The following MORC1 variants were observed in gnomAD, a reference collection of about 807,000 sequenced individuals.
The protein encoded by MORC1 is MORC family CW-type zinc finger protein 1.
A neutral mutation model predicts 134.9 loss-of-function variants in MORC1; 59 were observed. The observed-to-expected ratio is 0.44, with a 90% confidence interval of 0.35 to 0.54. The LOEUF is 0.54. MORC1 is among the 20% of genes least tolerant of loss of function. The probability of loss-of-function intolerance (pLI) is 0.00; values close to 1 mark genes in which losing one functional copy is unlikely to be tolerated. For synonymous variants in MORC1, 395 were observed against 391.7 expected, an observed-to-expected ratio of 1.01 and a Z score of -0.10; for missense variants, 947 against 1,134.5, an observed-to-expected ratio of 0.83 and a Z score of 2.37.
At chr3:109,063,430 G>GT (rs945971738) in intron 9 of MORC1, among the ~76,000 whole-genome samples, 199 bp from the exon 10 acceptor site, 6 of 151,980 alleles carry the variant, frequency 3.9e-5, no homozygotes, top group Non-Finnish European at 7.4e-5. Flanking sequence ...TAGAAATGTT[G>GT]TTTTTTTAAG....
chr3:109,114,162 A>G (rs1206276559), intron 2 of MORC1, among the ~76,000 whole-genome samples: 1 of 152,260 alleles, frequency 6.6e-6, no homozygotes, highest in Admixed American at 6.5e-5. Flanking sequence ...ATTAACATAA[A>G]AACAGACTTC....
chr3:109,100,644 T>G, intron 4 of MORC1, 137 bp from the exon 5 acceptor site: 1 of 671,052 alleles, frequency 1.5e-6, no homozygotes, highest in Non-Finnish European at 2.6e-6. Context: ...GACAAGGATT[T>G]TCATCAGAAT....
chr3:109,098,602 T>C (rs923588272), intron 6 of MORC1, among the ~76,000 whole-genome samples: 1 of 152,340 alleles, frequency 6.6e-6, no homozygotes, highest in East Asian at 1.9e-4. Context: ...AAAACCCTCA[T>C]TGGGCACTCG....
chr3:108,996,276 G>GACACACA (rs1553745289), intron 21 of MORC1, among the ~76,000 whole-genome samples: 13 of 76,902 alleles, frequency 1.7e-4, no homozygotes, highest in South Asian at 3.7e-4. Flanking sequence ...GCGCGTGCGT[G>GACACACA]CGCGCGCGCG....
chr3:109,111,993 T>G (rs973199672), intron 2 of MORC1, among the ~76,000 whole-genome samples: 2 of 152,206 alleles, frequency 1.3e-5, no homozygotes, highest in Non-Finnish European at 2.9e-5. Context: ...TCTCTTCCGA[T>G]CCTTACCATA....
chr3:109,097,054 G>C (rs1365718919), intron 6 of MORC1, among the ~76,000 whole-genome samples: 1 of 152,104 alleles, frequency 6.6e-6, no homozygotes, highest in African/African-American at 2.4e-5. Flanking sequence ...AAGAATATGA[G>C]TTTCCAAATC....
chr3:108,963,049 A>G (rs1947123627), intron 27 of MORC1, among the ~76,000 whole-genome samples: 1 of 152,110 alleles, frequency 6.6e-6, no homozygotes, highest in Admixed American at 6.6e-5. Context: ...ACTAAGATAC[A>G]AAAGAATGTG....
chr3:109,069,868 A>G lies in MORC1; in HGVS notation c.690-111T>C, dbSNP rs1173017979. On this transcript the variant is annotated intron_variant, in intron 8 of 27. Transcript: ENST00000232603. ...TATTATTGTTACTACAAGAAGCTTCAAGAACTTTTCTTCTAAAACTAATGA... is the reference window on the plus strand; with the variant it reads ...TATTATTGTTACTACAAGAAGCTTCGAGAACTTTTCTTCTAAAACTAATGA... 6 of 1,208,172 alleles carry G rather than the reference A, an allele frequency of 5.0e-6. No individual in the cohort carries two copies. In the Admixed American group the frequency reaches 1.7e-4, roughly 34 times the overall value. The allele number at this position is 1,208,172 out of a possible 1,614,324, so 74.8% of individuals were successfully genotyped here. A position where few individuals can be genotyped will look rare whatever the true frequency, so the allele number is the denominator to read the frequency against.
At chr3:109,014,487 C>A (rs1250646573) in intron 17 of MORC1, among the ~76,000 whole-genome samples, 1 of 152,188 alleles carries the variant, frequency 6.6e-6, no homozygotes, top group African/African-American at 2.4e-5. Context: ...CTTGTGGGAG[C>A]TTATTACACC....
At chr3:109,021,668 T>C (rs148729545) in intron 17 of MORC1, among the ~76,000 whole-genome samples, 48 of 152,354 alleles carry the variant, frequency 3.2e-4, no homozygotes, top group African/African-American at 1.2e-3. Context: ...CACCATGCTA[T>C]GCCACAATGC....
rs141780570 is a variant in MORC1, at chr3:109,061,559, G to A, written c.966+429C>T. On this transcript the variant is annotated intron_variant, in intron 11 of 27. Coordinates refer to ENST00000232603, the MANE Select transcript of MORC1 (RefSeq NM_014429.4). ...CTAGCACTAGAAAGAAGGATTGCTT[G>A]TTAGACCTTTCCTTCCTTTCCCCAT... is the stretch of plus-strand genomic sequence containing the variant. 5.1e-3 allele frequency among the ~76,000 whole-genome samples: 780 copies of A among 152,270 alleles called. 18 individuals are homozygous for A. The highest frequency in any genetic ancestry group is 0.018 in the African/African-American group (749 of 41,542).
intron 17 of MORC1, among the ~76,000 whole-genome samples, chr3:109,017,270 G>T (rs1007693884): frequency 6.6e-6 from 1 of 152,164 alleles, no homozygotes; most frequent in African/African-American, 2.4e-5. Context: ...TAATCTAATG[G>T]AATTGAAGTG....
intron 14 of MORC1, among the ~76,000 whole-genome samples, chr3:109,048,751 T>C (rs1325127603): frequency 6.6e-6 from 1 of 152,182 alleles, no homozygotes; most frequent in East Asian, 1.9e-4. Context: ...TGTGTGCACC[T>C]ATCCCTGGTA....
intron 3 of MORC1, among the ~76,000 whole-genome samples, chr3:109,105,678 CAAA>C (rs5851645): frequency 3.0e-4 from 39 of 131,360 alleles, no homozygotes; most frequent in South Asian, 1.4e-3. Context: ...GACCCTGTCT[CAAA>C]AAAAAAAAAA....
rs1390570728 is a variant in MORC1, at chr3:108,971,321, C to A, written c.2550+9G>T. The stretch of plus-strand genomic sequence containing the variant: ...CATTCCCTCACAGTTCCAAAAAAAA[C>A]CAGCTTACCTCACAACTTAATGCAG... On this transcript the variant is annotated intron_variant, in intron 25 of 27. Coordinates refer to ENST00000232603, the MANE Select transcript of MORC1 (RefSeq NM_014429.4). The A allele has an allele frequency of 1.9e-6, 3 of 1,611,450 alleles. No homozygotes were observed. The highest frequency in any genetic ancestry group is 1.3e-5 in the African/African-American group (1 of 74,900).
rs1949269277 is a variant in MORC1, at chr3:109,032,769, A to T, written c.1516T>A (p.Phe506Ile). The T allele has an allele frequency of 6.2e-7, 1 of 1,609,586 alleles. No homozygotes were observed. The highest frequency in any genetic ancestry group is 1.7e-5 in the Admixed American group (1 of 59,662). ...PSSTNYQEKE[F>I]FDIWICANNP... ...TTAGCACAAATCCAAATGTCAAAAA[A>T]TTCTTTTTCCTGATAATTAGTAGAG... is the stretch of plus-strand genomic sequence containing the variant. The change falls in exon 16 of 28, where the codon TTT (phenylalanine) becomes ATT (isoleucine). Residue 506 changes from phenylalanine to isoleucine, a missense_variant. Phe to Ile is a conservative substitution (Grantham distance 21). Transcript: ENST00000232603.
intron 18 of MORC1, among the ~76,000 whole-genome samples, chr3:109,006,821 GT>G (rs1407124285): frequency 1.3e-5 from 2 of 152,118 alleles, no homozygotes; most frequent in Non-Finnish European, 2.9e-5. Context: ...AAGATAATGG[GT>G]GATTTAAATT....
intron 8 of MORC1, among the ~76,000 whole-genome samples, chr3:109,086,842 G>A (rs1390834499): frequency 6.6e-6 from 1 of 151,782 alleles, no homozygotes; most frequent in Non-Finnish European, 1.5e-5. Context: ...AGATACATGG[G>A]AATTTTCTGT....
chr3:109,070,248 A>G (rs1309879200), intron 8 of MORC1, among the ~76,000 whole-genome samples: 2 of 152,240 alleles, frequency 1.3e-5, no homozygotes, highest in Non-Finnish European at 2.9e-5. Context: ...ACTTCATTCC[A>G]TAAGTGCAAT....
Sources: allele counts gnomAD v4.1 joint callset (sites outside exome capture counted in the v4.1 genomes callset), GRCh38; gene constraint gnomAD v4.1.1; transcripts MANE v1.5; gene names NCBI Gene and HGNC (gene_info 2026-07-23, HGNC 2026-07-21).